MARCHF3: variants seen among roughly 807,000 people sequenced by gnomAD.
The protein encoded by MARCHF3 is membrane associated ring-CH-type finger 3, also known as E3 ubiquitin-protein ligase MARCHF3.
In MARCHF3, 13 loss-of-function variants were observed where a neutral mutation model predicts 24.2. That is an observed-to-expected ratio of 0.54 (90% CI 0.35 to 0.85). The LOEUF is 0.85. MARCHF3 is among the 40% of genes least tolerant of loss of function. The pLI, the probability that MARCHF3 is intolerant of heterozygous loss-of-function variation, is 0.01. For synonymous variants in MARCHF3, 144 were observed against 137.3 expected, an observed-to-expected ratio of 1.05 and a Z score of -0.34; for missense variants, 276 against 325.0, an observed-to-expected ratio of 0.85 and a Z score of 1.16.
intron 1 of MARCHF3, among the ~76,000 whole-genome samples, chr5:126,957,329 C>T (rs867162983): frequency 1.6e-4 from 25 of 152,140 alleles, no homozygotes; most frequent in African/African-American, 5.5e-4. Flanking sequence ...AGTTATTTGT[C>T]TTCTAATTTT....
chr5:126,926,085 T>C (rs1472684386), intron 1 of MARCHF3, among the ~76,000 whole-genome samples: 1 of 152,198 alleles, frequency 6.6e-6, no homozygotes, highest in African/African-American at 2.4e-5. Flanking sequence ...ATGAAGGACG[T>C]TGATTTGGGA....
chr5:126,966,887 T>C (rs982276343), intron 1 of MARCHF3, among the ~76,000 whole-genome samples: 1 of 146,818 alleles, frequency 6.8e-6, no homozygotes, highest in African/African-American at 2.5e-5. Flanking sequence ...TGTTTCTCTC[T>C]TGTTGGGCTG....
intron 1 of MARCHF3, among the ~76,000 whole-genome samples, chr5:126,956,222 T>C (rs1750436080): frequency 6.6e-6 from 1 of 152,220 alleles, no homozygotes; most frequent in South Asian, 2.1e-4. Flanking sequence ...ACCTAACGAT[T>C]TCTTTTGTCT....
chr5:126,954,402 G>A (rs891781979), intron 1 of MARCHF3, among the ~76,000 whole-genome samples: 2 of 150,018 alleles, frequency 1.3e-5, no homozygotes, highest in African/African-American at 2.5e-5. Flanking sequence ...ACAGGGTCTC[G>A]TTCTGTCTTT....
intron 1 of MARCHF3, among the ~76,000 whole-genome samples, chr5:127,000,451 A>G (rs902797855): frequency 6.6e-6 from 1 of 152,272 alleles, no homozygotes; most frequent in African/African-American, 2.4e-5. Context: ...ATGATCCCTT[A>G]CACCCCCAGA....
At chr5:126,904,074 T>C (rs560000063) in intron 3 of MARCHF3, among the ~76,000 whole-genome samples, 2,033 of 150,898 alleles carry the variant, frequency 0.013, 63 homozygotes, top group African/African-American at 0.048. Flanking sequence ...TTTGGTTTTT[T>C]GTTCTTGCGA....
At chr5:126,978,313 G>A (rs1323664859) in intron 1 of MARCHF3, among the ~76,000 whole-genome samples, 2 of 152,262 alleles carry the variant, frequency 1.3e-5, no homozygotes, top group South Asian at 2.1e-4. Context: ...AGCCCCATTC[G>A]GGTCACCAAC....
intron 1 of MARCHF3, among the ~76,000 whole-genome samples, chr5:127,017,679 T>TA (rs1412951738): frequency 1.3e-5 from 2 of 152,220 alleles, no homozygotes; most frequent in Non-Finnish European, 2.9e-5. Flanking sequence ...GGTACCATCA[T>TA]AAAGTTGAAA....
chr5:126,955,826 T>C (rs1453003887), intron 1 of MARCHF3, among the ~76,000 whole-genome samples: 2 of 152,222 alleles, frequency 1.3e-5, no homozygotes, highest in African/African-American at 2.4e-5. Context: ...TAATCTTTCC[T>C]TTATGAATTG....
At chr5:127,029,997 CG>C (rs1353892273) in intron 1 of MARCHF3, 13 of 152,210 alleles carry the variant, frequency 8.5e-5, no homozygotes, top group African/African-American at 2.7e-4. Context: ...CCGCACAGCG[CG>C]GGTAATTTTT....
intron 1 of MARCHF3, among the ~76,000 whole-genome samples, chr5:126,999,322 C>T (rs1396718818): frequency 6.6e-6 from 1 of 152,088 alleles, no homozygotes; most frequent in African/African-American, 2.4e-5. Flanking sequence ...ATGCCCAGAC[C>T]AGCTTTCAAT....
intron 4 of MARCHF3, among the ~76,000 whole-genome samples, chr5:126,872,389 G>A (rs1246286021): frequency 6.6e-6 from 1 of 152,074 alleles, no homozygotes; most frequent in Admixed American, 6.6e-5. Flanking sequence ...TACATATATT[G>A]GAATGAGATG....
At chr5:126,904,423 C>T (rs1184302448) in intron 3 of MARCHF3, among the ~76,000 whole-genome samples, 2 of 147,562 alleles carry the variant, frequency 1.4e-5, no homozygotes, top group Non-Finnish European at 3.0e-5. Context: ...AGTTTACAGT[C>T]CCACCAACAG....
At chr5:126,991,218 A>G (rs112742356) in intron 1 of MARCHF3, among the ~76,000 whole-genome samples, 7,561 of 152,326 alleles carry the variant, frequency 0.05, 348 homozygotes, top group South Asian at 0.14. Context: ...CTATGCAGCC[A>G]TAACAAAAGA....
chr5:126,967,707 G>C (rs1195524870), intron 1 of MARCHF3, among the ~76,000 whole-genome samples: 1 of 151,984 alleles, frequency 6.6e-6, no homozygotes, highest in Non-Finnish European at 1.5e-5. Context: ...CATTTTGTCA[G>C]CCTTTTTCAT....
chr5:126,941,387 T>C (rs1749823836), intron 1 of MARCHF3, among the ~76,000 whole-genome samples: 1 of 152,116 alleles, frequency 6.6e-6, no homozygotes, highest in Non-Finnish European at 1.5e-5. Context: ...TTAAAAGTTA[T>C]TGTATTCTCT....
At chr5:126,877,793 C>T (rs12658822) in intron 4 of MARCHF3, among the ~76,000 whole-genome samples, 11,719 of 152,170 alleles carry the variant, frequency 0.077, 960 homozygotes, top group African/African-American at 0.21. Context: ...GTGACAGCAA[C>T]AGCAGCCAAA....
intron 1 of MARCHF3, among the ~76,000 whole-genome samples, chr5:126,992,389 A>G (rs1751797272): frequency 6.6e-6 from 1 of 152,256 alleles, no homozygotes; most frequent in Non-Finnish European, 1.5e-5. Flanking sequence ...GATAATTTGT[A>G]GCCCTGTGAC....
intron 3 of MARCHF3, among the ~76,000 whole-genome samples, chr5:126,912,039 G>C (rs951637236): frequency 6.6e-6 from 1 of 152,216 alleles, no homozygotes; most frequent in African/African-American, 2.4e-5. Flanking sequence ...GGCATGCCCA[G>C]TTTGGAGGTT....
Sources: gnomAD v4.1 joint callset for allele counts (sites outside exome capture counted in the v4.1 genomes callset) on GRCh38, gnomAD v4.1.1 for gene constraint, MANE v1.5 for transcripts, NCBI Gene and HGNC (gene_info 2026-07-23, HGNC 2026-07-21) for gene names.